ZNF892: variants seen among roughly 807,000 people sequenced by gnomAD.
ZNF892 encodes zinc finger protein 570-like.
chr2:95,253,316 T>C, the ZNF892 span, among the ~76,000 whole-genome samples: 120,854 of 152,164 alleles, frequency 0.79, 48,342 homozygotes, highest in African/African-American at 0.87. Context: ...AGCCAGTTTT[T>C]CCAGCACCAT....
the ZNF892 span, chr2:95,259,775 G>A: frequency 6.6e-6 from 1 of 152,272 alleles, no homozygotes; most frequent in Non-Finnish European, 1.5e-5. Context: ...AGGACAGGCA[G>A]TCTGCTGCCT....
At chr2:95,220,564 G>T in the ZNF892 span, among the ~76,000 whole-genome samples, 1 of 152,282 alleles carries the variant, frequency 6.6e-6, no homozygotes, top group South Asian at 2.1e-4. Context: ...TTTAGTTGTA[G>T]TTAGTGAGAG....
the ZNF892 span, among the ~76,000 whole-genome samples, chr2:95,241,022 G>A: frequency 3.5e-4 from 53 of 152,308 alleles, no homozygotes; most frequent in Admixed American, 2.4e-3. Context: ...GAGCTCCCAA[G>A]GGGAGGGACA....
the ZNF892 span, among the ~76,000 whole-genome samples, chr2:95,219,032 G>A: frequency 1.3e-5 from 2 of 151,982 alleles, no homozygotes; most frequent in African/African-American, 2.4e-5. Flanking sequence ...AGGGAGTCTC[G>A]CTCTTGTCCA....
chr2:95,222,692 T>C, the ZNF892 span, among the ~76,000 whole-genome samples: 1 of 152,242 alleles, frequency 6.6e-6, no homozygotes, highest in Non-Finnish European at 1.5e-5. Context: ...AGTTTAGTTT[T>C]GTAGTTTGTG....
the ZNF892 span, among the ~76,000 whole-genome samples, chr2:95,261,622 G>A: frequency 8.5e-5 from 13 of 152,186 alleles, no homozygotes; most frequent in Non-Finnish European, 1.5e-4. Context: ...GGAGATTCAA[G>A]GACAAAGGAC....
the ZNF892 span, among the ~76,000 whole-genome samples, chr2:95,239,906 G>A: frequency 3.9e-5 from 6 of 152,086 alleles, no homozygotes; most frequent in African/African-American, 1.2e-4. Context: ...CTGGGATTAC[G>A]GGTATGAGCC....
At chr2:95,253,474 T>C in the ZNF892 span, among the ~76,000 whole-genome samples, 1 of 152,234 alleles carries the variant, frequency 6.6e-6, no homozygotes, top group African/African-American at 2.4e-5. Flanking sequence ...CCATGCTGTT[T>C]TGGTTACTGT....
At chr2:95,254,665 C>A in the ZNF892 span, among the ~76,000 whole-genome samples, 1 of 152,170 alleles carries the variant, frequency 6.6e-6, no homozygotes, top group Non-Finnish European at 1.5e-5. Context: ...GGTACCAGCT[C>A]CTCCTTGTAC....
chr2:95,242,048 G>C, the ZNF892 span, among the ~76,000 whole-genome samples: 3 of 152,170 alleles, frequency 2.0e-5, no homozygotes, highest in African/African-American at 7.2e-5. Flanking sequence ...GAGATAGAGA[G>C]AATGGAACCA....
At chr2:95,255,531 G>C in the ZNF892 span, among the ~76,000 whole-genome samples, 4 of 152,206 alleles carry the variant, frequency 2.6e-5, no homozygotes, top group Admixed American at 2.6e-4. Flanking sequence ...GGTGTGGTGT[G>C]GTGCTGAAAA....
the ZNF892 span, among the ~76,000 whole-genome samples, chr2:95,241,215 A>C: frequency 1.8e-4 from 27 of 148,532 alleles, no homozygotes; most frequent in East Asian, 3.4e-3. Context: ...ACTGGGTGAA[A>C]CCCCCCCAAC....
chr2:95,211,545 G>A, the ZNF892 span: 1 of 397,774 alleles, frequency 2.5e-6, no homozygotes, highest in Non-Finnish European at 4.4e-6. Context: ...CTCCTGTGCT[G>A]TCAGTTTTAT....
At chr2:95,254,532 C>A in the ZNF892 span, among the ~76,000 whole-genome samples, 1 of 152,152 alleles carries the variant, frequency 6.6e-6, no homozygotes, top group African/African-American at 2.4e-5. Flanking sequence ...GGATATTGGT[C>A]TAAAATTCTC....
the ZNF892 span, among the ~76,000 whole-genome samples, chr2:95,242,127 C>G: frequency 6.6e-6 from 1 of 152,114 alleles, no homozygotes; most frequent in African/African-American, 2.4e-5. Flanking sequence ...GGCCAACATT[C>G]AGGAAATGCA....
chr2:95,226,867 A>G, the ZNF892 span, among the ~76,000 whole-genome samples: 1 of 152,122 alleles, frequency 6.6e-6, no homozygotes, highest in African/African-American at 2.4e-5. Context: ...CCTGGATCCA[A>G]ATCACTGCCC....
chr2:95,238,206 C>T, the ZNF892 span, among the ~76,000 whole-genome samples: 2 of 152,226 alleles, frequency 1.3e-5, no homozygotes, highest in Non-Finnish European at 2.9e-5. Context: ...CTTCATGGGA[C>T]AGCCTGACTC....
At chr2:95,220,237 G>T in the ZNF892 span, among the ~76,000 whole-genome samples, 1 of 152,104 alleles carries the variant, frequency 6.6e-6, no homozygotes, top group East Asian at 1.9e-4. Context: ...TAGGACCATA[G>T]CTTTCTTCTG....
chr2:95,239,016 G>A, the ZNF892 span, among the ~76,000 whole-genome samples: 1 of 152,218 alleles, frequency 6.6e-6, no homozygotes, highest in Non-Finnish European at 1.5e-5. Context: ...GCGCGTGCCT[G>A]TAATCCCAGC....
Sources: allele counts gnomAD v4.1 joint callset (sites outside exome capture counted in the v4.1 genomes callset), GRCh38; gene constraint gnomAD v4.1.1; transcripts MANE v1.5; gene names NCBI Gene and HGNC (gene_info 2026-07-23, HGNC 2026-07-21).